TP63: variants seen among roughly 807,000 people sequenced by gnomAD.
TP63 encodes tumor protein 63.
In TP63, 17 loss-of-function variants were observed where a neutral mutation model predicts 82.8. That is an observed-to-expected ratio of 0.21 (90% CI 0.14 to 0.31). The LOEUF (loss-of-function observed/expected upper bound fraction) is 0.31. Ranked by LOEUF, TP63 falls within the 10% of genes least tolerant of loss-of-function variation. The pLI is 1.00. For missense variants in TP63, 648 were observed against 895.3 expected, an observed-to-expected ratio of 0.72 and a Z score of 3.52; for synonymous variants, 330 against 321.7, an observed-to-expected ratio of 1.03 and a Z score of -0.28.
rs1044877904 is a variant in TP63 at position 189,895,263 on chromosome 3, C to T, written c.*761C>T. On this transcript the variant is annotated 3_prime_UTR_variant, in exon 14 of 14. Transcript: ENST00000264731. ...TAAGAAGAAGTTCATGTCCAAACGT[C>T]CTCTTTAGTTTTTGGTTGGGAATGA... The T allele has an allele frequency of 4.5e-6, 1 of 221,774 alleles. No individual in the cohort carries two copies. The highest frequency in any genetic ancestry group is 2.2e-5 in the African/African-American group (1 of 44,666). The allele number at this position is 221,774 out of a possible 1,614,324, so 13.7% of individuals were successfully genotyped here.
chr3:189,671,009 A>G lies in TP63; in HGVS notation c.62+39432A>G, dbSNP rs1560098721. Among the ~76,000 whole-genome samples, 2 of 152,232 alleles carry G rather than the reference A, an allele frequency of 1.3e-5. 1 individual carries two copies. Among genetic ancestry groups the G allele is most frequent in the East Asian group, 3.9e-4 (2 of 5,182 alleles). ...TAGGTGAGACTTCAAAAGCACAGGC[A>G]ACAAAAACAAAAAGACAAATGAGAA... is the stretch of plus-strand genomic sequence containing the variant. On this transcript the variant is annotated intron_variant, in intron 1 of 13. Coordinates refer to ENST00000264731, the MANE Select transcript of TP63 (RefSeq NM_003722.5).
intron 1 of TP63, among the ~76,000 whole-genome samples, chr3:189,681,595 A>T (rs1481726326): frequency 1.3e-5 from 2 of 152,172 alleles, no homozygotes; most frequent in South Asian, 2.1e-4. Flanking sequence ...TCCATAAATT[A>T]TATGCAATAT....
At chr3:189,668,944 C>T (rs1407245133) in intron 1 of TP63, among the ~76,000 whole-genome samples, 2 of 150,766 alleles carry the variant, frequency 1.3e-5, no homozygotes, top group Non-Finnish European at 3.0e-5. Flanking sequence ...AGAAAAAAAG[C>T]AAACAGAAAA....
upstream of TP63, among the ~76,000 whole-genome samples, chr3:189,626,651 A>G (rs959389763): frequency 2.6e-5 from 4 of 152,204 alleles, no homozygotes; most frequent in African/African-American, 4.8e-5. Context: ...TGGTAGGGCC[A>G]TCAGTCCAGA....
chr3:189,809,675 A>G (rs1727317086), intron 4 of TP63, among the ~76,000 whole-genome samples: 1 of 152,204 alleles, frequency 6.6e-6, no homozygotes. Flanking sequence ...AAGCATTTCT[A>G]TGTTTATGTT....
chr3:189,615,699 C>T, the TP63 span, among the ~76,000 whole-genome samples: 1 of 152,168 alleles, frequency 6.6e-6, no homozygotes, highest in African/African-American at 2.4e-5. Flanking sequence ...GATAGCCAGG[C>T]CATTGGTCTT....
chr3:189,667,478 T>C (rs1384077000), intron 1 of TP63, among the ~76,000 whole-genome samples: 1 of 152,020 alleles, frequency 6.6e-6, no homozygotes, highest in Non-Finnish European at 1.5e-5. Context: ...TAAGAGTTGC[T>C]GAAGGAGGTA....
chr3:189,722,684 A>T (rs1719485617), intron 1 of TP63, among the ~76,000 whole-genome samples: 1 of 152,228 alleles, frequency 6.6e-6, no homozygotes, highest in Admixed American at 6.5e-5. Context: ...TACACCTAGT[A>T]AACGTGGGTG....
chr3:189,604,983 G>T, the TP63 span, among the ~76,000 whole-genome samples: 2 of 152,124 alleles, frequency 1.3e-5, no homozygotes, highest in African/African-American at 4.8e-5. Flanking sequence ...CCTTTCTCCT[G>T]AATTGTGCCA....
the TP63 span, among the ~76,000 whole-genome samples, chr3:189,620,655 G>T: frequency 1.3e-5 from 2 of 152,116 alleles, no homozygotes; most frequent in African/African-American, 2.4e-5. Context: ...CAAAAATCAC[G>T]CATCAAAGAT....
At chr3:189,853,149 C>T (rs1338530412) in intron 4 of TP63, among the ~76,000 whole-genome samples, 2 of 152,204 alleles carry the variant, frequency 1.3e-5, no homozygotes, top group South Asian at 4.1e-4. Context: ...TCTCATCTTA[C>T]ACTTGGATTA....
chr3:189,662,157 G>C (rs910124100), intron 1 of TP63, among the ~76,000 whole-genome samples: 4 of 151,940 alleles, frequency 2.6e-5, no homozygotes, highest in African/African-American at 4.8e-5. Flanking sequence ...TGTGATGTTA[G>C]ATCATTAATT....
intron 1 of TP63, among the ~76,000 whole-genome samples, chr3:189,638,812 G>A (rs1257978857): frequency 6.6e-6 from 1 of 152,118 alleles, no homozygotes; most frequent in Non-Finnish European, 1.5e-5. Flanking sequence ...GGGAGCCAAG[G>A]GAATGAATGC....
chr3:189,737,694 A>G, intron 1 of TP63, 46 bp from the exon 2 acceptor site: 1 of 1,599,992 alleles, frequency 6.3e-7, no homozygotes, highest in African/African-American at 1.3e-5. Flanking sequence ...ATTCAGTGTC[A>G]TAAATACAGA....
chr3:189,786,283 CA>C (rs1349835420), intron 3 of TP63, among the ~76,000 whole-genome samples: 1 of 151,844 alleles, frequency 6.6e-6, no homozygotes, highest in Non-Finnish European at 1.5e-5. Flanking sequence ...AATATGGTTG[CA>C]AAATTTTACA....
chr3:189,765,402 A>G (rs1160783705), intron 3 of TP63, among the ~76,000 whole-genome samples: 1 of 129,770 alleles, frequency 7.7e-6, no homozygotes, highest in East Asian at 2.2e-4. Context: ...GGGGTTTTCA[A>G]TTTGGGGCTT....
At chr3:189,721,787 C>T (rs1396487719) in intron 1 of TP63, among the ~76,000 whole-genome samples, 2 of 152,170 alleles carry the variant, frequency 1.3e-5, no homozygotes, top group Non-Finnish European at 2.9e-5. Context: ...TTCTGAACCT[C>T]ACCAAGCATT....
chr3:189,807,846 T>C (rs1452211355), intron 3 of TP63, among the ~76,000 whole-genome samples: 1 of 152,176 alleles, frequency 6.6e-6, no homozygotes, highest in African/African-American at 2.4e-5. Context: ...AAATCCCCTC[T>C]GGAACATACC....
chr3:189,709,667 G>A (rs984921239), intron 1 of TP63, among the ~76,000 whole-genome samples: 1 of 152,012 alleles, frequency 6.6e-6, no homozygotes, highest in African/African-American at 2.4e-5. Context: ...TAATAAAAAA[G>A]AATTACAGGT....
Sources: gnomAD v4.1 joint callset for allele counts (sites outside exome capture counted in the v4.1 genomes callset) on GRCh38, gnomAD v4.1.1 for gene constraint, MANE v1.5 for transcripts, NCBI Gene and HGNC (gene_info 2026-07-23, HGNC 2026-07-21) for gene names.